The following PPP2R2A variants were observed in gnomAD, a reference collection of about 807,000 sequenced individuals.
The protein encoded by PPP2R2A is serine/threonine-protein phosphatase 2A 55 kDa regulatory subunit B alpha isoform.
A neutral mutation model predicts 53.2 loss-of-function variants in PPP2R2A; 9 were observed. That is an observed-to-expected ratio of 0.17 (90% CI 0.10 to 0.30). The LOEUF (loss-of-function observed/expected upper bound fraction) is 0.30. Among genes scored for constraint, PPP2R2A ranks in the 10% least tolerant of loss-of-function variants. The pLI is 1.00. For missense variants in PPP2R2A, 235 were observed against 534.6 expected (o/e 0.44, Z 5.53); for synonymous variants, 169 against 174.2 (o/e 0.97, Z 0.23).
chr8:26,328,917 A>G (rs1370123823), intron 2 of PPP2R2A, among the ~76,000 whole-genome samples: 1 of 152,236 alleles, frequency 6.6e-6, no homozygotes, highest in Non-Finnish European at 1.5e-5. Context: ...CATATTGTAT[A>G]TAAACACATC....
At chr8:26,351,558 AACTT>A (rs1236815493) in intron 3 of PPP2R2A, among the ~76,000 whole-genome samples, 3 of 152,130 alleles carry the variant, frequency 2.0e-5, no homozygotes, top group African/African-American at 4.8e-5. Context: ...GTTATCCTAA[AACTT>A]AATTATTGTA....
At chr8:26,293,337 CTT>C (rs896175090) in intron 1 of PPP2R2A, 317 of 1,410,788 alleles carry the variant, frequency 2.2e-4, no homozygotes, top group Non-Finnish European at 2.9e-4. Context: ...TAAGAAAACT[CTT>C]TAACTCTTGG....
At chr8:26,301,325 TTTTC>T (rs1801772638) in intron 2 of PPP2R2A, among the ~76,000 whole-genome samples, 1 of 151,532 alleles carries the variant, frequency 6.6e-6, no homozygotes, top group African/African-American at 2.4e-5. Context: ...TTTTTTTCCT[TTTTC>T]TTTTTTTTGT....
intron 8 of PPP2R2A, 31 bp from the exon 9 acceptor site, chr8:26,366,284 T>A: frequency 6.5e-7 from 1 of 1,538,778 alleles, no homozygotes; most frequent in Non-Finnish European, 8.9e-7. Flanking sequence ...TTTCCTAATT[T>A]CAGTGCAGTA....
chr8:26,370,624 A>G lies in PPP2R2A; in HGVS notation c.*211A>G, dbSNP rs1039066393. On this transcript the variant is annotated 3_prime_UTR_variant, in exon 10 of 10. Coordinates refer to ENST00000380737, the MANE Select transcript of PPP2R2A (RefSeq NM_002717.4). The surrounding 1 kb of genome is among the most constrained non-coding windows in gnomAD (Gnocchi z 6.1). ...TCCATGTCTGCTAGCCATTTAGGTA[A>G]GGGTAGGGCACTTTTAATTTAAATG... The G allele has an allele frequency of 5.0e-6, 3 of 600,888 alleles. No individual in the cohort carries two copies. Among genetic ancestry groups the G allele is most frequent in the African/African-American group, 3.7e-5 (2 of 53,916 alleles). 37.2% of individuals were successfully genotyped at this position (600,888 alleles called of 1,614,324 possible). A position where few individuals can be genotyped will look rare whatever the true frequency, so the allele number is the denominator to read the frequency against.
intron 2 of PPP2R2A, among the ~76,000 whole-genome samples, chr8:26,304,217 T>A (rs537254026): frequency 1.3e-4 from 20 of 152,204 alleles, no homozygotes; most frequent in African/African-American, 4.3e-4. Flanking sequence ...TTTCCTGAGA[T>A]AATATGGGAG....
chr8:26,330,056 G>A (rs1232529423), intron 2 of PPP2R2A, among the ~76,000 whole-genome samples: 1 of 152,136 alleles, frequency 6.6e-6, no homozygotes, highest in African/African-American at 2.4e-5. Flanking sequence ...GGACTGCAGT[G>A]ATACTTACGT....
Position 26,370,458 on chromosome 8 carries a change from A to T in PPP2R2A, c.*45A>T. 6.3e-7 allele frequency: 1 copy of T among 1,589,880 alleles called. No individual in the cohort carries two copies. The highest frequency in any genetic ancestry group is 8.6e-7 in the Non-Finnish European group (1 of 1,162,232). Reference sequence around the variant, plus strand: ...AGAACCCACTTCCTGCTTAGTTGAGATAGTTGAATCTAGCATTCGTTCCTA... The same window carrying T: ...AGAACCCACTTCCTGCTTAGTTGAGTTAGTTGAATCTAGCATTCGTTCCTA... On this transcript the variant is annotated 3_prime_UTR_variant, in exon 10 of 10. Transcript: ENST00000380737. The surrounding 1 kb of genome is among the most constrained non-coding windows in gnomAD (Gnocchi z 6.1).
rs905873833 is a variant in PPP2R2A, at chr8:26,321,865, T to C, written c.83-17025T>C. On this transcript the variant is annotated intron_variant, in intron 2 of 9. Coordinates refer to ENST00000380737, the MANE Select transcript of PPP2R2A (RefSeq NM_002717.4). This position sits in a 1 kb window ranked among gnomAD's most constrained non-coding sequence, Gnocchi z 4.1. ...AATTTTTAAGGCAGCAATAGAGAACTTATATAGGAAGTAACAATGTCAACA... is the reference window on the plus strand; with the variant it reads ...AATTTTTAAGGCAGCAATAGAGAACCTATATAGGAAGTAACAATGTCAACA... Among the ~76,000 whole-genome samples the C allele has an allele frequency of 6.6e-6, 1 of 152,252 alleles. No individual in the cohort carries two copies. Among genetic ancestry groups the C allele is most frequent in the African/African-American group, 2.4e-5 (1 of 41,470 alleles).
intron 3 of PPP2R2A, among the ~76,000 whole-genome samples, chr8:26,340,349 T>C (rs536708253): frequency 2.6e-5 from 4 of 152,116 alleles, no homozygotes; most frequent in Non-Finnish European, 5.9e-5. Context: ...TATTCTTTGC[T>C]GTTTTTCATG....
At chr8:26,302,722 A>T (rs924304991) in intron 2 of PPP2R2A, among the ~76,000 whole-genome samples, 1 of 152,238 alleles carries the variant, frequency 6.6e-6, no homozygotes, top group African/African-American at 2.4e-5. Context: ...GGTGCAGTAC[A>T]TTGAATACAG....
chr8:26,325,446 C>G (rs1414112962), intron 2 of PPP2R2A, among the ~76,000 whole-genome samples: 2 of 152,156 alleles, frequency 1.3e-5, no homozygotes, highest in African/African-American at 4.8e-5. Flanking sequence ...AATTAAACCT[C>G]TTTTTCTTCC....
At chr8:26,311,012 A>G (rs1342778857) in intron 2 of PPP2R2A, among the ~76,000 whole-genome samples, 6 of 152,224 alleles carry the variant, frequency 3.9e-5, no homozygotes, top group Non-Finnish European at 5.9e-5. Flanking sequence ...TACATGGGAA[A>G]GACTTCCTAA....
At chr8:26,297,416 A>G (rs1394704483) in intron 2 of PPP2R2A, among the ~76,000 whole-genome samples, 2 of 152,178 alleles carry the variant, frequency 1.3e-5, no homozygotes, top group African/African-American at 4.8e-5. Context: ...AATTATTACT[A>G]CTGGTAATTA....
chr8:26,291,881 C>G (rs1370567388), intron 1 of PPP2R2A, 55 bp downstream of exon 1: 1 of 1,602,494 alleles, frequency 6.2e-7, no homozygotes, highest in Admixed American at 1.7e-5. Flanking sequence ...TTATTCCTCC[C>G]TCCATCACCC....
chr8:26,325,593 A>G (rs1803048695), intron 2 of PPP2R2A, among the ~76,000 whole-genome samples: 1 of 152,192 alleles, frequency 6.6e-6, no homozygotes, highest in African/African-American at 2.4e-5. Flanking sequence ...TCAGCTGCAT[A>G]AGTACCTGAA....
At chr8:26,295,549 G>T (rs1031308140) in intron 2 of PPP2R2A, among the ~76,000 whole-genome samples, 10 of 152,300 alleles carry the variant, frequency 6.6e-5, no homozygotes, top group East Asian at 1.9e-4. Flanking sequence ...GTGAAGTTAG[G>T]AGATAAATCA....
rs1186651688 is a variant in PPP2R2A at position 26,362,157 on chromosome 8, G to T, written c.638-527G>T. Among the ~76,000 whole-genome samples, 1 of 151,430 alleles carries T rather than the reference G, an allele frequency of 6.6e-6. No homozygotes were observed. Among genetic ancestry groups the T allele is most frequent in the Non-Finnish European group, 1.5e-5 (1 of 67,874 alleles). On this transcript the variant is annotated intron_variant, in intron 6 of 9. Coordinates refer to ENST00000380737, the MANE Select transcript of PPP2R2A (RefSeq NM_002717.4). This position sits in a 1 kb window ranked among gnomAD's most constrained non-coding sequence, Gnocchi z 4.4. ...TACGATTAGATTAAGATTAGAAAAA[G>T]AAATTCACGCAAGTCATGATGCATG...
rs552217835 is a variant in PPP2R2A at position 26,344,171 on chromosome 8, A to T, written c.180+5184A>T. Among the ~76,000 whole-genome samples, 3 of 152,312 alleles carry T rather than the reference A, an allele frequency of 2.0e-5. No homozygotes were observed. In the South Asian group the frequency reaches 6.2e-4, roughly 32 times the overall value. On this transcript the variant is annotated intron_variant, in intron 3 of 9. Transcript: ENST00000380737. ...TAGTAGCAGCAGTTTATGTGCTAGGACCTCTGCCAAGATCCCTAAATCTTA... is the reference window on the plus strand; with the variant it reads ...TAGTAGCAGCAGTTTATGTGCTAGGTCCTCTGCCAAGATCCCTAAATCTTA...
Sources: allele counts gnomAD v4.1 joint callset (sites outside exome capture counted in the v4.1 genomes callset), GRCh38; gene constraint gnomAD v4.1.1; non-coding constraint Gnocchi (gnomAD v3.1); transcripts MANE v1.5; gene names NCBI Gene and HGNC (gene_info 2026-07-23, HGNC 2026-07-21).